The following NEDD9 variants were observed in gnomAD, a reference collection of about 807,000 sequenced individuals.
The protein encoded by NEDD9 is enhancer of filamentation 1.
In NEDD9, 26 loss-of-function variants were observed where a neutral mutation model predicts 76.6. That is an observed-to-expected ratio of 0.34 (90% confidence interval 0.25 to 0.47). The LOEUF is 0.47. NEDD9 is among the 20% of genes least tolerant of loss of function. The probability of loss-of-function intolerance (pLI) is 1.00; values close to 1 mark genes in which losing one functional copy is unlikely to be tolerated. For synonymous variants in NEDD9, 392 were observed against 414.2 expected, an observed-to-expected ratio of 0.95 and a Z score of 0.65; for missense variants, 937 against 1,058.5, an observed-to-expected ratio of 0.89 and a Z score of 1.59.
chr6:11,266,897 G>C (rs1760211589), intron 3 of NEDD9, among the ~76,000 whole-genome samples: 1 of 152,164 alleles, frequency 6.6e-6, no homozygotes, highest in Admixed American at 6.5e-5. Flanking sequence ...GCTCATCTTG[G>C]TGTGTGTGTA....
rs960991911 is a variant in NEDD9 at position 11,370,021 on chromosome 6, A to C, written c.-214+12118T>G. Among the ~76,000 whole-genome samples the C allele has an allele frequency of 2.0e-5, 3 of 152,258 alleles. No individual in the cohort carries two copies. Among genetic ancestry groups the C allele is most frequent in the Admixed American group, 2.0e-4 (3 of 15,286 alleles). Reference sequence around the variant, plus strand: ...AAGAAAGAAATTACTCAGCAGATAGAAAGTATGACATAGAAGAGGCTAACA... The same window carrying C: ...AAGAAAGAAATTACTCAGCAGATAGCAAGTATGACATAGAAGAGGCTAACA... On this transcript the variant is annotated intron_variant, in intron 1 of 3. Transcript: ENST00000397378. This position sits in a 1 kb window ranked among gnomAD's most constrained non-coding sequence, Gnocchi z 4.2.
chr6:11,231,387 G>A (rs1759464543), intron 1 of NEDD9, among the ~76,000 whole-genome samples: 1 of 152,050 alleles, frequency 6.6e-6, no homozygotes, highest in Non-Finnish European at 1.5e-5. Context: ...TTATTACTGA[G>A]GCTAGTCAGT....
intron 1 of NEDD9, among the ~76,000 whole-genome samples, chr6:11,380,799 T>A (rs1258772306): frequency 7.1e-6 from 1 of 140,448 alleles, no homozygotes; most frequent in Non-Finnish European, 1.5e-5. Context: ...CTAGTCATCG[T>A]CTTCTTCTTC....
At chr6:11,186,359 A>G (rs1757980998) in intron 6 of NEDD9, among the ~76,000 whole-genome samples, 1 of 152,206 alleles carries the variant, frequency 6.6e-6, no homozygotes, top group Non-Finnish European at 1.5e-5. Context: ...TTTTACCCAG[A>G]GTCAGATGCA....
At chr6:11,251,473 G>A (rs1055574736) in intron 3 of NEDD9, 1 of 152,172 alleles carries the variant, frequency 6.6e-6, no homozygotes, top group African/African-American at 2.4e-5. Context: ...CCTCGGTCAC[G>A]GTCATGGTTT....
At chr6:11,249,159 A>C (rs749831032) in intron 3 of NEDD9, 8 of 456,090 alleles carry the variant, frequency 1.8e-5, no homozygotes, top group South Asian at 1.2e-4. Context: ...ATGGACTTTG[A>C]GTAAAGCAGA....
chr6:11,249,197 A>G, intron 3 of NEDD9: 1 of 456,014 alleles, frequency 2.2e-6, no homozygotes, highest in Non-Finnish European at 4.4e-6. Flanking sequence ...GGTGGGCCTC[A>G]TCCAATCAGT....
chr6:11,332,637 C>T (rs948046571), intron 2 of NEDD9, among the ~76,000 whole-genome samples: 13 of 152,202 alleles, frequency 8.5e-5, no homozygotes, highest in Admixed American at 7.9e-4. Flanking sequence ...TTACAGCACA[C>T]GTCGTGTTCT....
chr6:11,368,086 C>T (rs950757663), intron 1 of NEDD9, among the ~76,000 whole-genome samples: 5 of 152,292 alleles, frequency 3.3e-5, no homozygotes, highest in Admixed American at 2.6e-4. Flanking sequence ...CTCAATTACC[C>T]AGGGCCTGCT....
intron 3 of NEDD9, chr6:11,305,263 T>C (rs1761152213): frequency 1.6e-6 from 1 of 612,474 alleles, no homozygotes; most frequent in Non-Finnish European, 2.5e-6. Flanking sequence ...TTTCATCCTC[T>C]GAACAATCTT....
chr6:11,321,759 A>G lies in NEDD9; in HGVS notation c.-153+12742T>C, dbSNP rs1761809427. ...AAAAGCAAAAGTGACCAGATATCCA[A>G]CTTAAGGCTGATCCAGGTTTTTCAT... On this transcript the variant is annotated intron_variant, in intron 2 of 3. Transcript: ENST00000397378. 2.0e-5 allele frequency among the ~76,000 whole-genome samples: 3 copies of G among 152,216 alleles called. No homozygotes were observed. The East Asian group carries it at 5.8e-4, about 29-fold the overall frequency.
At chr6:11,379,182 C>G (rs1763018437) in intron 1 of NEDD9, among the ~76,000 whole-genome samples, 1 of 152,222 alleles carries the variant, frequency 6.6e-6, no homozygotes, top group South Asian at 2.1e-4. Context: ...CCTTGAGGAG[C>G]CTGCGTTCTA....
Position 11,216,486 on chromosome 6 carries a change from G to A in NEDD9, c.13-2759C>T, listed in dbSNP as rs532301255. Among the ~76,000 whole-genome samples, 5 of 152,318 alleles carry A rather than the reference G, an allele frequency of 3.3e-5. No individual in the cohort carries two copies. The South Asian group carries it at 1.0e-3, about 32-fold the overall frequency. On this transcript the variant is annotated intron_variant, in intron 1 of 6. Coordinates refer to ENST00000379446, the MANE Select transcript of NEDD9 (RefSeq NM_006403.4). ...CACACTATTGGCAGCGATGGAAAGA[G>A]AATTGCGTTCTTTCAGTTTAATCCT...
intron 2 of NEDD9, among the ~76,000 whole-genome samples, chr6:11,321,514 G>A (rs1488067931): frequency 6.6e-6 from 1 of 152,170 alleles, no homozygotes; most frequent in Non-Finnish European, 1.5e-5. Context: ...GATTTTCTTT[G>A]CCTCTCAAGG....
At chr6:11,229,686 GAATCCCTTCT>G (rs1190650958) in intron 1 of NEDD9, among the ~76,000 whole-genome samples, 2 of 152,184 alleles carry the variant, frequency 1.3e-5, no homozygotes, top group African/African-American at 2.4e-5. Context: ...ACCACAGACT[GAATCCCTTCT>G]AAGAGAAATG....
chr6:11,194,277 G>T (rs1284996265), intron 2 of NEDD9, among the ~76,000 whole-genome samples: 1 of 152,136 alleles, frequency 6.6e-6, no homozygotes, highest in Admixed American at 6.5e-5. Context: ...TGCACTGCAA[G>T]CATATTTCTG....
intron 1 of NEDD9, among the ~76,000 whole-genome samples, chr6:11,357,872 G>C (rs946864579): frequency 6.6e-6 from 1 of 152,146 alleles, no homozygotes. Flanking sequence ...GTGAGTCTGC[G>C]GTGATGAGTG....
chr6:11,269,025 A>G (rs1384993444), intron 3 of NEDD9, among the ~76,000 whole-genome samples: 3 of 152,208 alleles, frequency 2.0e-5, no homozygotes, highest in African/African-American at 7.2e-5. Context: ...TCGTCTTAAA[A>G]CATTTAACAA....
intron 1 of NEDD9, among the ~76,000 whole-genome samples, chr6:11,231,092 T>G (rs1056602153): frequency 1.3e-5 from 2 of 152,214 alleles, no homozygotes; most frequent in African/African-American, 4.8e-5. Flanking sequence ...GGTCCTATCA[T>G]TGTTCTAAAT....
Sources: gnomAD v4.1 joint callset for allele counts (sites outside exome capture counted in the v4.1 genomes callset) on GRCh38, gnomAD v4.1.1 for gene constraint, Gnocchi (gnomAD v3.1) non-coding constraint, MANE v1.5 for transcripts, NCBI Gene and HGNC (gene_info 2026-07-23, HGNC 2026-07-21) for gene names.